The following LANCL2 variants were observed in gnomAD, a reference collection of about 807,000 sequenced individuals.
The protein encoded by LANCL2 is lanC-like protein 2.
LANCL2 carries 33 observed loss-of-function variants against 56.9 expected under a neutral mutation model. The ratio of observed to expected loss-of-function variants is 0.58; its 90% CI spans 0.44 to 0.78. The LOEUF (loss-of-function observed/expected upper bound fraction) is 0.78, where lower values mean the gene tolerates loss of function less well. Ranked by LOEUF, LANCL2 falls within the 30% of genes least tolerant of loss-of-function variation. The pLI, the probability that LANCL2 is intolerant of heterozygous loss-of-function variation, is 0.00. For missense variants in LANCL2, 562 were observed against 580.2 expected, an observed-to-expected ratio of 0.97 and a Z score of 0.32; for synonymous variants, 233 against 228.2, an observed-to-expected ratio of 1.02 and a Z score of -0.19.
intron 6 of LANCL2, among the ~76,000 whole-genome samples, chr7:55,416,299 T>A (rs1790538762): frequency 6.6e-6 from 1 of 152,130 alleles, no homozygotes; most frequent in South Asian, 2.1e-4. Flanking sequence ...ATTATTATTA[T>A]TTTTTGAGAC....
chr7:55,366,128 G>A lies in LANCL2; in HGVS notation c.103G>A (p.Ala35Thr). The A allele has an allele frequency of 1.3e-6, 2 of 1,547,026 alleles. No individual in the cohort carries two copies. The highest frequency in any genetic ancestry group is 1.9e-5 in the Admixed American group (1 of 51,718). Residue 35 changes from alanine to threonine, a missense_variant, in exon 1 of 9, where the codon GCC (alanine) becomes ACC (threonine). Coordinates refer to ENST00000254770, the MANE Select transcript of LANCL2 (RefSeq NM_018697.4). Reference protein sequence around the residue: ...VNPFPDYEAAAGALLASGAAE... With the variant: ...VNPFPDYEAATGALLASGAAE... Reference sequence around the variant, plus strand: ...CCCCTTCCCGGACTACGAGGCCGCCGCCGGGGCGCTGCTCGCCTCCGGAGC... The same window carrying A: ...CCCCTTCCCGGACTACGAGGCCGCCACCGGGGCGCTGCTCGCCTCCGGAGC...
chr7:55,391,343 A>G (rs1363045265), intron 1 of LANCL2, among the ~76,000 whole-genome samples: 2 of 151,852 alleles, frequency 1.3e-5, no homozygotes, highest in East Asian at 3.9e-4. Context: ...TATGCTTATC[A>G]TTTGTTTTTT....
intron 1 of LANCL2, among the ~76,000 whole-genome samples, chr7:55,366,953 C>G (rs1427560418): frequency 6.6e-6 from 1 of 152,184 alleles, no homozygotes; most frequent in Non-Finnish European, 1.5e-5. Context: ...GTAGAAATCT[C>G]CGCCTTGCTC....
At chr7:55,379,735 T>TA (rs1420606115) in intron 1 of LANCL2, 3 of 152,802 alleles carry the variant, frequency 2.0e-5, no homozygotes, top group Middle Eastern at 3.4e-3. Context: ...ACCAGACAGT[T>TA]ACTCTTTTTG....
At chr7:55,375,163 TCTC>T (rs1428545951) in intron 1 of LANCL2, among the ~76,000 whole-genome samples, 1 of 152,226 alleles carries the variant, frequency 6.6e-6, no homozygotes, top group Non-Finnish European at 1.5e-5. Context: ...GACTTTTCAC[TCTC>T]CTCTATTTGT....
chr7:55,373,860 T>C (rs1441314261), intron 1 of LANCL2, among the ~76,000 whole-genome samples: 1 of 152,168 alleles, frequency 6.6e-6, no homozygotes, highest in Non-Finnish European at 1.5e-5. Flanking sequence ...GGGTGAGGAG[T>C]GTGCTTTGTA....
chr7:55,417,402 C>G (rs192432810), intron 6 of LANCL2, among the ~76,000 whole-genome samples: 7 of 152,172 alleles, frequency 4.6e-5, no homozygotes, highest in Admixed American at 4.6e-4. Context: ...ACCTAATAAG[C>G]CTGGGTCTGT....
At chr7:55,416,512 C>A (rs1256813228) in intron 6 of LANCL2, among the ~76,000 whole-genome samples, 2 of 152,160 alleles carry the variant, frequency 1.3e-5, no homozygotes, top group African/African-American at 4.8e-5. Flanking sequence ...AACTCGTGGA[C>A]TCAAGCAATC....
intron 6 of LANCL2, among the ~76,000 whole-genome samples, chr7:55,424,528 T>G (rs1040466416): frequency 6.6e-6 from 1 of 152,238 alleles, no homozygotes; most frequent in Non-Finnish European, 1.5e-5. Flanking sequence ...GCAGAAGTTT[T>G]AGAGCTATGG....
intron 7 of LANCL2, among the ~76,000 whole-genome samples, chr7:55,427,735 G>A (rs527765778): frequency 1.3e-5 from 2 of 152,322 alleles, no homozygotes; most frequent in South Asian, 4.1e-4. Flanking sequence ...GATTCTTAGT[G>A]TACAAATGAC....
Position 55,365,722 on chromosome 7 carries a change from G to A in LANCL2, c.-304G>A, listed in dbSNP as rs374910959. On this transcript the variant is annotated 5_prime_UTR_variant, in exon 1 of 9. Transcript: ENST00000254770. ...GCGGGCCACGGGGAAGGTGCGAGGA[G>A]GCGCGAGCAGGCTGTGAGCCGCTGG... The A allele has an allele frequency of 1.5e-5, 4 of 274,040 alleles. No homozygotes were observed. In the Admixed American group the frequency reaches 1.6e-4, roughly 11 times the overall value. 17.0% of individuals were successfully genotyped at this position (274,040 alleles called of 1,614,324 possible).
At chr7:55,369,988 T>C (rs1014346590) in intron 1 of LANCL2, among the ~76,000 whole-genome samples, 6 of 152,148 alleles carry the variant, frequency 3.9e-5, no homozygotes, top group African/African-American at 1.2e-4. Context: ...ACACTTACGA[T>C]CTCATGCAGT....
At chr7:55,420,473 T>A (rs1790596074) in intron 6 of LANCL2, among the ~76,000 whole-genome samples, 1 of 152,264 alleles carries the variant, frequency 6.6e-6, no homozygotes, top group Non-Finnish European at 1.5e-5. Context: ...TGGCCCAGTA[T>A]TTAGTCTGTC....
intron 1 of LANCL2, among the ~76,000 whole-genome samples, chr7:55,375,839 C>T (rs1281073236): frequency 6.6e-6 from 1 of 152,194 alleles, no homozygotes; most frequent in African/African-American, 2.4e-5. Flanking sequence ...GAGTGTTCCC[C>T]ACTTCCCTGC....
chr7:55,380,757 C>T lies in LANCL2; in HGVS notation c.205-11036C>T, dbSNP rs187240303. ...AGGTTCTGTAGAGCGTGTTACAGTG[C>T]GTGATTGGAGAAGGAGGGAGGTTCT... On this transcript the variant is annotated intron_variant, in intron 1 of 8. Transcript: ENST00000254770. Among the ~76,000 whole-genome samples the T allele has an allele frequency of 4.3e-5, 6 of 139,758 alleles. No homozygotes were observed. In the East Asian group the frequency reaches 1.1e-3, roughly 25 times the overall value. 91.7% of individuals were successfully genotyped at this position (139,758 alleles called of 152,430 possible). A position where few individuals can be genotyped will look rare whatever the true frequency, so the allele number is the denominator to read the frequency against.
intron 1 of LANCL2, among the ~76,000 whole-genome samples, chr7:55,381,378 C>T (rs1790067073): frequency 6.6e-6 from 1 of 152,050 alleles, no homozygotes; most frequent in Non-Finnish European, 1.5e-5. Flanking sequence ...AAGGGATGAG[C>T]CAGAGGAGGG....
chr7:55,416,448 G>T (rs889869908), intron 6 of LANCL2, among the ~76,000 whole-genome samples: 1 of 151,930 alleles, frequency 6.6e-6, no homozygotes, highest in Admixed American at 6.6e-5. Context: ...CACCACACCT[G>T]GCTAAATCTT....
chr7:55,425,948 T>C (rs970429081), intron 7 of LANCL2, among the ~76,000 whole-genome samples: 2 of 152,174 alleles, frequency 1.3e-5, no homozygotes, highest in Non-Finnish European at 2.9e-5. Flanking sequence ...CTGATCTCCT[T>C]GCCTTACCCT....
chr7:55,374,790 A>T (rs1358171550), intron 1 of LANCL2, among the ~76,000 whole-genome samples: 1 of 152,230 alleles, frequency 6.6e-6, no homozygotes, highest in Non-Finnish European at 1.5e-5. Flanking sequence ...ATCTTTCCTA[A>T]GAAAAGAATT....
Sources: allele counts gnomAD v4.1 joint callset (sites outside exome capture counted in the v4.1 genomes callset), GRCh38; gene constraint gnomAD v4.1.1; transcripts MANE v1.5; gene names NCBI Gene and HGNC (gene_info 2026-07-23, HGNC 2026-07-21).